GRID2: variants seen among roughly 807,000 people sequenced by gnomAD.
GRID2 encodes glutamate receptor ionotropic, delta-2.
In GRID2, 33 loss-of-function variants were observed where a neutral mutation model predicts 114.8. The observed-to-expected ratio is 0.29, with a 90% CI of 0.22 to 0.38. GRID2 has a LOEUF of 0.38. GRID2 is among the 10% of genes least tolerant of loss of function. The pLI, the probability that GRID2 is intolerant of heterozygous loss-of-function variation, is 1.00. For synonymous variants in GRID2, 505 were observed against 449.9 expected, an observed-to-expected ratio of 1.12 and a Z score of -1.55; for missense variants, 1,184 against 1,257.7, an observed-to-expected ratio of 0.94 and a Z score of 0.89.
intron 1 of GRID2, among the ~76,000 whole-genome samples, chr4:92,521,859 G>A (rs537283890): frequency 1.1e-3 from 166 of 152,062 alleles, no homozygotes; most frequent in African/African-American, 3.9e-3. Flanking sequence ...AATAGATGGT[G>A]CAGCATTTTG....
chr4:93,803,721 CA>C (rs879710225), intron 1 of GRID2, among the ~76,000 whole-genome samples: 41 of 137,236 alleles, frequency 3.0e-4, no homozygotes, highest in South Asian at 4.6e-4. Context: ...GACTTCGTCT[CA>C]AAAAAAAAAA....
At chr4:92,711,647 A>G (rs1332022401) in intron 2 of GRID2, among the ~76,000 whole-genome samples, 1 of 152,166 alleles carries the variant, frequency 6.6e-6, no homozygotes, top group Non-Finnish European at 1.5e-5. Flanking sequence ...TCACGCCTGT[A>G]ATCCAAGCAC....
chr4:93,209,919 A>G (rs112437136), intron 5 of GRID2, among the ~76,000 whole-genome samples: 13,877 of 152,026 alleles, frequency 0.091, 1,205 homozygotes, highest in African/African-American at 0.23. Flanking sequence ...GTGTCTGTTG[A>G]TGTCCTTTGC....
At chr4:93,318,501 T>C (rs768378252) in intron 8 of GRID2, 12 of 152,102 alleles carry the variant, frequency 7.9e-5, no homozygotes, top group Non-Finnish European at 1.8e-4. Context: ...AAAAAGTAAT[T>C]TGCTGAATGT....
chr4:92,396,760 A>G (rs1374591770), intron 1 of GRID2, among the ~76,000 whole-genome samples: 1 of 152,090 alleles, frequency 6.6e-6, no homozygotes, highest in African/African-American at 2.4e-5. Context: ...GTCAAGATCT[A>G]AAACATAGTT....
At chr4:92,445,802 G>A (rs186160106) in intron 1 of GRID2, among the ~76,000 whole-genome samples, 48 of 152,298 alleles carry the variant, frequency 3.2e-4, no homozygotes, top group Admixed American at 2.6e-3. Context: ...CTTGGTTAGT[G>A]CGTAATTCTA....
At chr4:93,721,329 G>A (rs929988033) in intron 14 of GRID2, among the ~76,000 whole-genome samples, 15 of 152,282 alleles carry the variant, frequency 9.9e-5, no homozygotes, top group African/African-American at 3.4e-4. Context: ...CAATAAAATT[G>A]AAGACATTCT....
chr4:92,707,235 T>A (rs1734996895), intron 2 of GRID2, among the ~76,000 whole-genome samples: 1 of 152,026 alleles, frequency 6.6e-6, no homozygotes, highest in Non-Finnish European at 1.5e-5. Context: ...ATATGGGAGG[T>A]CTGGCTTTTT....
chr4:92,647,923 T>C (rs1280211333), intron 2 of GRID2, among the ~76,000 whole-genome samples: 1 of 149,676 alleles, frequency 6.7e-6, no homozygotes, highest in Non-Finnish European at 1.5e-5. Flanking sequence ...AAAATTCTCT[T>C]GTATGATATG....
chr4:93,231,763 T>A (rs1469371520), intron 7 of GRID2, among the ~76,000 whole-genome samples: 1 of 152,156 alleles, frequency 6.6e-6, no homozygotes, highest in African/African-American at 2.4e-5. Context: ...GTATTGTATT[T>A]GCATCAAACT....
chr4:92,822,912 CT>C (rs1741389969), intron 2 of GRID2: 1 of 152,396 alleles, frequency 6.6e-6, no homozygotes, highest in Non-Finnish European at 1.5e-5. Context: ...GTCTTCTGCT[CT>C]GTCATGGTGG....
chr4:93,605,071 C>T (rs968011670), intron 13 of GRID2, among the ~76,000 whole-genome samples: 7 of 152,032 alleles, frequency 4.6e-5, no homozygotes. Context: ...GAAATGCAAG[C>T]CCATCTATGA....
At chr4:93,705,435 G>T (rs1176915324) in intron 14 of GRID2, among the ~76,000 whole-genome samples, 1 of 151,400 alleles carries the variant, frequency 6.6e-6, no homozygotes, top group African/African-American at 2.4e-5. Flanking sequence ...GGTTCAAGCA[G>T]TTCTCCCTGC....
rs1330026842 is a variant in GRID2, at chr4:93,608,916, A to C, written c.2194-17353A>C. Among the ~76,000 whole-genome samples, 2 of 130,258 alleles carry C rather than the reference A, an allele frequency of 1.5e-5. 1 individual carries two copies. Among genetic ancestry groups the C allele is most frequent in the Admixed American group, 1.5e-4 (2 of 13,142 alleles). 85.5% of individuals were successfully genotyped at this position (130,258 alleles called of 152,430 possible). A position where few individuals can be genotyped will look rare whatever the true frequency, so the allele number is the denominator to read the frequency against. Reference sequence around the variant, plus strand: ...ACTTCCACAATGGTTGAACTAGTTGACAGTCCCACCAACAGTGTCAAAGTG... The same window carrying C: ...ACTTCCACAATGGTTGAACTAGTTGCCAGTCCCACCAACAGTGTCAAAGTG... On this transcript the variant is annotated intron_variant, in intron 13 of 15. Transcript: ENST00000282020.
At chr4:92,976,948 C>T (rs181634221) in intron 2 of GRID2, among the ~76,000 whole-genome samples, 2 of 152,254 alleles carry the variant, frequency 1.3e-5, no homozygotes, top group Non-Finnish European at 1.5e-5. Flanking sequence ...AACTGAGACT[C>T]ACAGATTAGC....
chr4:92,447,832 C>A (rs1336174940), intron 1 of GRID2, among the ~76,000 whole-genome samples: 1 of 152,122 alleles, frequency 6.6e-6, no homozygotes, highest in Middle Eastern at 3.2e-3. Flanking sequence ...GCCCTTGTGA[C>A]CTAATAACCT....
intron 2 of GRID2, among the ~76,000 whole-genome samples, chr4:93,074,061 C>T (rs557802827): frequency 6.6e-6 from 1 of 152,312 alleles, no homozygotes; most frequent in Admixed American, 6.5e-5. Flanking sequence ...GAAAAAGAAA[C>T]ACTGAGGAAA....
At chr4:93,615,353 C>G (rs1016594317) in intron 13 of GRID2, among the ~76,000 whole-genome samples, 1 of 152,148 alleles carries the variant, frequency 6.6e-6, no homozygotes, top group South Asian at 2.1e-4. Flanking sequence ...TAAGTGAAAT[C>G]TCTCTTAGGA....
Position 93,429,067 on chromosome 4 carries a change from C to T in GRID2, c.1545+6099C>T, listed in dbSNP as rs75655168. Among the ~76,000 whole-genome samples, 19 of 152,274 alleles carry T rather than the reference C, an allele frequency of 1.2e-4. No homozygotes were observed. The South Asian group carries it at 1.5e-3, about 12-fold the overall frequency. The stretch of plus-strand genomic sequence containing the variant: ...CTGGAATTGCCAAAAAGTTGCTGCC[C>T]GTGCCCTAGCTGCTGGGATCAAGAA... On this transcript the variant is annotated intron_variant, in intron 10 of 15. Transcript: ENST00000282020.
Sources: gnomAD v4.1 joint callset for allele counts (sites outside exome capture counted in the v4.1 genomes callset) on GRCh38, gnomAD v4.1.1 for gene constraint, MANE v1.5 for transcripts, NCBI Gene and HGNC (gene_info 2026-07-23, HGNC 2026-07-21) for gene names.